CRAMP1: variants seen among roughly 807,000 people sequenced by gnomAD.
The protein encoded by CRAMP1 is protein cramped-like.
Under a neutral mutation model 115.4 loss-of-function variants are expected in CRAMP1, and 50 were observed. The observed-to-expected ratio is 0.43, with a 90% CI of 0.35 to 0.55. The LOEUF (loss-of-function observed/expected upper bound fraction) is 0.55, where lower values mean the gene tolerates loss of function less well. Among genes scored for constraint, CRAMP1 ranks in the 20% least tolerant of loss-of-function variants. CRAMP1 has a pLI of 0.01. For missense variants in CRAMP1, 1,679 were observed against 1,721.7 expected, an observed-to-expected ratio of 0.98 and a Z score of 0.44; for synonymous variants, 866 against 745.4, an observed-to-expected ratio of 1.16 and a Z score of -2.64.
rs544514872 is a variant in CRAMP1 at position 1,655,156 on chromosome 16, C to T, written c.1038-63C>T. On this transcript the variant is annotated intron_variant, in intron 8 of 20. Coordinates refer to ENST00000397412, the MANE Select transcript of CRAMP1 (RefSeq NM_020825.4). Reference sequence around the variant, plus strand: ...CCTCCTGCTGTAAGCAGCCTCGGGACTCTTCAGATGGTTTCCTTCCTGTTC... The same window carrying T: ...CCTCCTGCTGTAAGCAGCCTCGGGATTCTTCAGATGGTTTCCTTCCTGTTC... 11 of 1,412,258 alleles carry T rather than the reference C, an allele frequency of 7.8e-6. No homozygotes were observed. The Admixed American group carries it at 8.4e-5, about 11-fold the overall frequency. 87.5% of individuals were successfully genotyped at this position (1,412,258 alleles called of 1,614,324 possible).
intron 13 of CRAMP1, among the ~76,000 whole-genome samples, chr16:1,663,969 G>T (rs75106117): frequency 0.011 from 1,733 of 152,258 alleles, 33 homozygotes; most frequent in African/African-American, 0.04. Flanking sequence ...GCCCTTTACA[G>T]AAAAAGTGTG....
At chr16:1,629,599 A>G (rs2036532682) in intron 3 of CRAMP1, among the ~76,000 whole-genome samples, 1 of 152,120 alleles carries the variant, frequency 6.6e-6, no homozygotes, top group African/African-American at 2.4e-5. Context: ...CCTGGAACTC[A>G]GGTTCTCAGG....
At chr16:1,640,904 G>A (rs996397537) in intron 5 of CRAMP1, among the ~76,000 whole-genome samples, 3 of 152,192 alleles carry the variant, frequency 2.0e-5, no homozygotes, top group Admixed American at 6.5e-5. Flanking sequence ...GCCTGAGGAG[G>A]GGGCCAGGCA....
At chr16:1,622,459 A>G (rs1301276233) in intron 2 of CRAMP1, among the ~76,000 whole-genome samples, 1 of 152,228 alleles carries the variant, frequency 6.6e-6, no homozygotes, top group Non-Finnish European at 1.5e-5. Flanking sequence ...GCAGTAAGCC[A>G]GGATTGCACC....
chr16:1,626,998 C>T (rs1054121178), intron 3 of CRAMP1, among the ~76,000 whole-genome samples: 9 of 152,234 alleles, frequency 5.9e-5, no homozygotes, highest in South Asian at 4.1e-4. Context: ...TCTGCTTGGC[C>T]ATTCCTGTGT....
intron 11 of CRAMP1, 49 bp downstream of exon 11, chr16:1,660,112 A>C: frequency 7.0e-7 from 1 of 1,433,012 alleles, no homozygotes; most frequent in East Asian, 2.5e-5. Context: ...CCCTGATGGC[A>C]CCTCAGGCTT....
chr16:1,616,735 T>G (rs1339865104), intron 2 of CRAMP1, among the ~76,000 whole-genome samples: 1 of 152,220 alleles, frequency 6.6e-6, no homozygotes, highest in South Asian at 2.1e-4. Context: ...TTCATTAAGT[T>G]TTAATATTAA....
chr16:1,656,212 C>T lies in CRAMP1; in HGVS notation c.1455C>T (p.Ser485=), dbSNP rs998480282. ...CTCCTGCGGCTGACGCCTTGCAGAG[C>T]TCCGGAGAGAGTTCCCCCGAAAGCG... is the stretch of plus-strand genomic sequence containing the variant. ...RPPPAADALQ[S]SGESSPESAP... is the part of the protein sequence containing the mutation. Residue 485 remains serine, a synonymous_variant, in exon 10 of 21, where the codon AGC becomes AGT. Transcript: ENST00000397412. The surrounding 1 kb of genome is among the most constrained non-coding windows in gnomAD (Gnocchi z 5.6). The T allele has an allele frequency of 6.2e-7, 1 of 1,606,014 alleles. No homozygotes were observed. The highest frequency in any genetic ancestry group is 1.3e-5 in the African/African-American group (1 of 74,902).
intron 3 of CRAMP1, among the ~76,000 whole-genome samples, chr16:1,630,673 A>G (rs964512569): frequency 1.3e-5 from 2 of 152,190 alleles, no homozygotes; most frequent in Non-Finnish European, 1.5e-5. Context: ...CGGCTGCCCA[A>G]ACTCCTCAGT....
At chr16:1,651,145 AGAGGTCACGAAAAGGTGGACT>A (rs1348839019) in intron 6 of CRAMP1, among the ~76,000 whole-genome samples, 1 of 152,068 alleles carries the variant, frequency 6.6e-6, no homozygotes, top group Non-Finnish European at 1.5e-5. Context: ...TTGAGGTCAC[AGAGGTCACGAAAAGGTGGACT>A]GAGGTCACGG....
At chr16:1,660,283 C>T (rs2036817569) in intron 11 of CRAMP1, among the ~76,000 whole-genome samples, 2 of 152,154 alleles carry the variant, frequency 1.3e-5, no homozygotes, top group South Asian at 2.1e-4. Context: ...GGTCCCAGGG[C>T]GTAGAAGCTG....
At chr16:1,651,583 G>C (rs1425991135) in intron 6 of CRAMP1, among the ~76,000 whole-genome samples, 1 of 151,368 alleles carries the variant, frequency 6.6e-6, no homozygotes, top group African/African-American at 2.4e-5. Flanking sequence ...TTCACGGAGA[G>C]GTGGGCTGAG....
At chr16:1,663,758 G>T (rs367871891) in intron 13 of CRAMP1, among the ~76,000 whole-genome samples, 2 of 151,984 alleles carry the variant, frequency 1.3e-5, no homozygotes, top group African/African-American at 4.8e-5. Flanking sequence ...TGGCAACCAC[G>T]GATCCGCTTT....
chr16:1,647,104 G>C, intron 6 of CRAMP1: 2 of 702,508 alleles, frequency 2.8e-6, no homozygotes, highest in Non-Finnish European at 5.2e-6. Context: ...GCTACCCCTG[G>C]ATTTCAGCCC....
At position 1,662,769 on chromosome 16, in the gene CRAMP1, G is replaced by A. The variant is rs768090490; in HGVS notation, c.2604G>A (p.Ser868=). 2.4e-5 allele frequency: 38 copies of A among 1,613,786 alleles called. No homozygotes were observed. The highest frequency in any genetic ancestry group is 5.3e-5 in the African/African-American group (4 of 74,934). ...ACGCTGCTCCCTTACAGATGCAGTC[G>A]GATTTCTTCCTGCCAAAGCCCCGGA... ...RQHLNSISMQ[S]DFFLPKPRKL... Residue 868 remains serine (S), a synonymous_variant, in exon 13 of 21, where the codon TCG becomes TCA. Transcript: ENST00000397412.
At chr16:1,613,591 TTGTC>T (rs2036384065) in intron 1 of CRAMP1, among the ~76,000 whole-genome samples, 2 of 152,198 alleles carry the variant, frequency 1.3e-5, no homozygotes, top group Non-Finnish European at 2.9e-5. Context: ...GTGTACCTGA[TTGTC>T]TGAGTTTATT....
At chr16:1,622,613 C>A (rs1459481872) in intron 2 of CRAMP1, among the ~76,000 whole-genome samples, 2 of 152,136 alleles carry the variant, frequency 1.3e-5, no homozygotes, top group East Asian at 3.9e-4. Context: ...TTGGGGTTTT[C>A]TGTCTGTTTT....
rs369489514 is a variant in CRAMP1 at position 1,662,522 on chromosome 16, C to T, written c.2446C>T (p.Pro816Ser). ...AAACCCTCCAAGACCCCTCTTGGTG[C>T]CTGGTCCCTCCAGCACAGGAAGCAA... ...LRNPPRPLLVPGPSSTGSNDS... is the reference protein window; with the variant it reads ...LRNPPRPLLVSGPSSTGSNDS... Residue 816 changes from proline (P) to serine (S), a missense_variant, in exon 12 of 21, where the codon CCT (proline) becomes TCT (serine). Physicochemically the swap from Pro to Ser is moderately conservative, Grantham distance 74. This residue lies in a region of CRAMP1 where 709 missense variants were observed against 741.9 expected (regional missense o/e 0.96). Coordinates refer to ENST00000397412, the MANE Select transcript of CRAMP1 (RefSeq NM_020825.4). The T allele has an allele frequency of 6.2e-7, 1 of 1,613,846 alleles. No homozygotes were observed. Among genetic ancestry groups the T allele is most frequent in the African/African-American group, 1.3e-5 (1 of 74,924 alleles).
At chr16:1,650,446 T>C (rs1020071119) in intron 6 of CRAMP1, among the ~76,000 whole-genome samples, 1 of 152,222 alleles carries the variant, frequency 6.6e-6, no homozygotes, top group Non-Finnish European at 1.5e-5. Context: ...TTTTAAAAAC[T>C]ATACAAGTAA....
Sources: allele counts gnomAD v4.1 joint callset (sites outside exome capture counted in the v4.1 genomes callset), GRCh38; gene constraint gnomAD v4.1.1; regional missense constraint gnomAD v4.1.1; non-coding constraint Gnocchi (gnomAD v3.1); transcripts MANE v1.5; gene names NCBI Gene and HGNC (gene_info 2026-07-23, HGNC 2026-07-21).